Variants in ACCSL observed in about 807,000 individuals in gnomAD.
ACCSL encodes probable inactive 1-aminocyclopropane-1-carboxylate synthase-like protein 2.
In ACCSL, 55 loss-of-function variants were observed where a neutral mutation model predicts 61.7. The observed-to-expected ratio is 0.89, with a 90% confidence interval of 0.72 to 1.12. The LOEUF (loss-of-function observed/expected upper bound fraction) is 1.12. ACCSL is among the 50% of genes most tolerant of loss of function. The pLI is 0.00. For synonymous variants in ACCSL, 258 were observed against 264.3 expected, an observed-to-expected ratio of 0.98 and a Z score of 0.23; for missense variants, 632 against 698.0, an observed-to-expected ratio of 0.91 and a Z score of 1.07.
chr11:43,968,378 G>A, the ACCSL span, among the ~76,000 whole-genome samples: 1 of 103,112 alleles, frequency 9.7e-6, no homozygotes, highest in East Asian at 3.0e-4. Flanking sequence ...CCCAACCCCC[G>A]CAAGCAATCT....
At chr11:43,945,037 C>T in the ACCSL span, 149,100 of 152,536 alleles carry the variant, frequency 0.98, 72,946 homozygotes, top group Middle Eastern at 1. Context: ...GCAGAGGAAA[C>T]GAAACAAAGA....
chr11:44,049,215 T>C (rs900414769), intron 1 of ACCSL, among the ~76,000 whole-genome samples: 2 of 151,784 alleles, frequency 1.3e-5, no homozygotes, highest in Admixed American at 1.3e-4. Flanking sequence ...AGTCCAGGAA[T>C]TCGAGACCAG....
At chr11:44,058,241 G>A in intron 11 of ACCSL, 76 bp from the exon 12 acceptor site, 7 of 1,498,050 alleles carry the variant, frequency 4.7e-6, no homozygotes, top group Non-Finnish European at 6.4e-6. Context: ...AGCCCAGGAA[G>A]GGAGCATTTG....
chr11:44,050,106 T>G lies in ACCSL; in HGVS notation c.549T>G (p.Asp183Glu). 1 of 1,614,020 alleles carries G rather than the reference T, an allele frequency of 6.2e-7. No homozygotes were observed. The highest frequency in any genetic ancestry group is 8.5e-7 in the Non-Finnish European group (1 of 1,179,906). Reference sequence around the variant, plus strand: ...CCAGTGAGAACAAGCTCTGCATGGATCTGATGACTGAAAGAGTAAGGATGT... The same window carrying G: ...CCAGTGAGAACAAGCTCTGCATGGAGCTGATGACTGAAAGAGTAAGGATGT... ...LGTSENKLCM[D>E]LMTERLQESD... Residue 183 changes from aspartate (D) to glutamate (E), a missense_variant, in exon 2 of 14, where the codon GAT becomes GAG. Physicochemically the swap from Asp to Glu is conservative, Grantham distance 45. Coordinates refer to ENST00000378832, the MANE Select transcript of ACCSL (RefSeq NM_001031854.2).
chr11:44,028,944 G>T, the ACCSL span, among the ~76,000 whole-genome samples: 31 of 152,278 alleles, frequency 2.0e-4, no homozygotes, highest in African/African-American at 7.2e-4. Flanking sequence ...GTGTGTTCAG[G>T]CTGGGCTGGG....
At chr11:43,959,901 A>G in the ACCSL span, among the ~76,000 whole-genome samples, 2 of 152,156 alleles carry the variant, frequency 1.3e-5, no homozygotes, top group African/African-American at 4.8e-5. Flanking sequence ...GGTGTGCTGA[A>G]TAATTCACGC....
chr11:43,979,528 C>G, the ACCSL span, among the ~76,000 whole-genome samples: 1 of 151,948 alleles, frequency 6.6e-6, no homozygotes, highest in Non-Finnish European at 1.5e-5. Context: ...ATCTACATAT[C>G]GATGTAAAGT....
the ACCSL span, among the ~76,000 whole-genome samples, chr11:43,997,649 G>A: frequency 6.6e-6 from 1 of 152,222 alleles, no homozygotes; most frequent in Non-Finnish European, 1.5e-5. Context: ...AGAAATGTGT[G>A]TGAAACACCT....
chr11:44,032,012 C>T, the ACCSL span, among the ~76,000 whole-genome samples: 13 of 152,310 alleles, frequency 8.5e-5, no homozygotes, highest in South Asian at 8.3e-4. Flanking sequence ...GACTGATTAT[C>T]ATAGTATCTG....
chr11:43,988,335 A>G, the ACCSL span, among the ~76,000 whole-genome samples: 34 of 151,824 alleles, frequency 2.2e-4, no homozygotes, highest in African/African-American at 8.2e-4. Context: ...GTAACAAATA[A>G]CTCTTCATCA....
At chr11:44,058,820 T>A in intron 13 of ACCSL, 121 bp downstream of exon 13, 1 of 1,220,490 alleles carries the variant, frequency 8.2e-7, no homozygotes, top group Non-Finnish European at 1.1e-6. Context: ...TTTCCATGTC[T>A]ATCTTTAGTT....
At chr11:43,990,224 G>A in the ACCSL span, among the ~76,000 whole-genome samples, 1 of 152,244 alleles carries the variant, frequency 6.6e-6, no homozygotes, top group Admixed American at 6.5e-5. Flanking sequence ...CACTGACAGA[G>A]TGCTTAGGAC....
the ACCSL span, among the ~76,000 whole-genome samples, chr11:43,997,039 G>A: frequency 1.3e-5 from 2 of 151,892 alleles, no homozygotes; most frequent in South Asian, 2.1e-4. Context: ...TCAAACTCCC[G>A]ACCTCAGGTG....
the ACCSL span, among the ~76,000 whole-genome samples, chr11:44,035,936 T>TAAAAAAAAAAAAAA: frequency 3.8e-5 from 3 of 79,048 alleles, no homozygotes; most frequent in Admixed American, 1.5e-4. Flanking sequence ...AGACTCTGTG[T>TAAAAAAAAAAAAAA]AAAAAAAAAA....
the ACCSL span, among the ~76,000 whole-genome samples, chr11:43,974,917 A>G: frequency 6.6e-6 from 1 of 152,242 alleles, no homozygotes; most frequent in Non-Finnish European, 1.5e-5. Context: ...TTCCTGTAAT[A>G]CAGAGATCGA....
chr11:43,933,199 T>A, the ACCSL span: 25 of 456,030 alleles, frequency 5.5e-5, 1 homozygote, highest in South Asian at 3.7e-4. Context: ...CATGGTTTGG[T>A]AGGAGCAGCG....
In ACCSL at chr11:44,055,237, T is replaced by A. The variant is rs767038385; in HGVS notation, c.1085T>A (p.Met362Lys). Residue 362 changes from methionine (M) to lysine (K), a missense_variant, in exon 9 of 14, where the codon ATG becomes AAG. Coordinates refer to ENST00000378832, the MANE Select transcript of ACCSL (RefSeq NM_001031854.2). The stretch of plus-strand genomic sequence containing the variant: ...CATGTGATCATAGATGAGATTTACA[T>A]GCTGTCTGTGTTTGATGAATCCATC... ...NLHVIIDEIY[M>K]LSVFDESITF... 14 of 1,612,708 alleles carry A rather than the reference T, an allele frequency of 8.7e-6. No individual in the cohort carries two copies. The South Asian group carries it at 1.4e-4, about 16-fold the overall frequency.
the ACCSL span, among the ~76,000 whole-genome samples, chr11:43,984,285 G>A: frequency 6.6e-6 from 1 of 151,998 alleles, no homozygotes; most frequent in East Asian, 1.9e-4. Context: ...AATCACCTTA[G>A]GTTGTAAGAA....
the ACCSL span, among the ~76,000 whole-genome samples, chr11:44,036,797 A>G: frequency 6.6e-6 from 1 of 151,958 alleles, no homozygotes; most frequent in Admixed American, 6.6e-5. Flanking sequence ...AAAAAAAAAA[A>G]AAAGATTCCC....
Sources: allele counts gnomAD v4.1 joint callset (sites outside exome capture counted in the v4.1 genomes callset), GRCh38; gene constraint gnomAD v4.1.1; transcripts MANE v1.5; gene names NCBI Gene and HGNC (gene_info 2026-07-23, HGNC 2026-07-21).